CDC73: variants seen among roughly 807,000 people sequenced by gnomAD.
CDC73 encodes cell division cycle 73.
Under a neutral mutation model 83.7 loss-of-function variants are expected in CDC73, and 21 were observed. That is an observed-to-expected ratio of 0.25 (90% CI 0.18 to 0.36). The LOEUF is 0.36. Ranked by LOEUF, CDC73 falls within the 10% of genes least tolerant of loss-of-function variation. CDC73 has a pLI of 1.00. For missense variants in CDC73, 342 were observed against 653.3 expected, an observed-to-expected ratio of 0.52 and a Z score of 5.19; for synonymous variants, 224 against 212.9, an observed-to-expected ratio of 1.05 and a Z score of -0.45.
chr1:193,170,061 T>C (rs1282406846), intron 10 of CDC73, among the ~76,000 whole-genome samples: 1 of 152,208 alleles, frequency 6.6e-6, no homozygotes. Context: ...TGTTTTTTTT[T>C]CCTGTGTTAG....
intron 10 of CDC73, among the ~76,000 whole-genome samples, chr1:193,164,378 A>G (rs964828355): frequency 6.6e-6 from 1 of 152,204 alleles, no homozygotes; most frequent in African/African-American, 2.4e-5. Context: ...AGAAAGGCTG[A>G]GAAACTAAGT....
At chr1:193,206,065 G>T (rs765873608) in intron 11 of CDC73, among the ~76,000 whole-genome samples, 3 of 152,158 alleles carry the variant, frequency 2.0e-5, no homozygotes, top group Non-Finnish European at 2.9e-5. Context: ...AAAGAAGTTA[G>T]TATGTAAGGA....
intron 10 of CDC73, among the ~76,000 whole-genome samples, chr1:193,189,275 T>G (rs1364666411): frequency 6.6e-6 from 1 of 152,138 alleles, no homozygotes; most frequent in East Asian, 1.9e-4. Context: ...TAAATTTAAG[T>G]TAAGCTAGTT....
rs148757631 is a variant in CDC73, at chr1:193,211,982, A to T, written c.1031-83A>T. The T allele has an allele frequency of 1.7e-3, 1,898 of 1,088,146 alleles. 26 individuals are homozygous for T. In the Admixed American group the frequency reaches 0.023, roughly 13 times the overall value. 67.4% of individuals were successfully genotyped at this position (1,088,146 alleles called of 1,614,324 possible). A position where few individuals can be genotyped will look rare whatever the true frequency, so the allele number is the denominator to read the frequency against. On this transcript the variant is annotated intron_variant, in intron 11 of 16. Coordinates refer to ENST00000367435, the MANE Select transcript of CDC73 (RefSeq NM_024529.5). ...AGTCATATGGGAATACACATAATTT[A>T]AAAAATATCCCTTATTTGTAAGTTT...
chr1:193,151,893 A>G (rs1676119511), intron 9 of CDC73, among the ~76,000 whole-genome samples: 1 of 152,168 alleles, frequency 6.6e-6, no homozygotes, highest in Non-Finnish European at 1.5e-5. Flanking sequence ...CTGCAGTGCC[A>G]CTGTACTCCA....
At chr1:193,207,374 C>T (rs1236529586) in intron 11 of CDC73, among the ~76,000 whole-genome samples, 3 of 152,064 alleles carry the variant, frequency 2.0e-5, no homozygotes, top group Non-Finnish European at 2.9e-5. Flanking sequence ...AAACAGGGTT[C>T]GAGAGCAGAG....
chr1:193,228,489 A>G (rs766165202), intron 13 of CDC73, among the ~76,000 whole-genome samples: 4 of 152,232 alleles, frequency 2.6e-5, no homozygotes, highest in Non-Finnish European at 5.9e-5. Context: ...GTAAAGATAG[A>G]TAGATGAATG....
Position 193,252,765 on chromosome 1 carries a change from T to G in CDC73, c.*2053T>G, listed in dbSNP as rs1678065111. The G allele has an allele frequency of 4.3e-6, 1 of 231,938 alleles. No individual in the cohort carries two copies. The highest frequency in any genetic ancestry group is 6.1e-5 in the East Asian group (1 of 16,370). 14.4% of individuals were successfully genotyped at this position (231,938 alleles called of 1,614,324 possible). A position where few individuals can be genotyped will look rare whatever the true frequency, so the allele number is the denominator to read the frequency against. On this transcript the variant is annotated 3_prime_UTR_variant, in exon 17 of 17. Transcript: ENST00000367435. The stretch of plus-strand genomic sequence containing the variant: ...CTGTTTATTCTAAAAAACAAAAATT[T>G]TCAGCCACTCCCATTTATTCTCCCA...
At chr1:193,125,630 G>A (rs1675555371) in intron 2 of CDC73, among the ~76,000 whole-genome samples, 1 of 151,554 alleles carries the variant, frequency 6.6e-6, no homozygotes, top group Non-Finnish European at 1.5e-5. Flanking sequence ...AAGCTGGAGT[G>A]CAGTGGTGTG....
intron 2 of CDC73, among the ~76,000 whole-genome samples, chr1:193,128,908 C>T (rs533460162): frequency 6.6e-6 from 1 of 151,912 alleles, no homozygotes; most frequent in Non-Finnish European, 1.5e-5. Flanking sequence ...ATTTTTCTTG[C>T]ACTGTTTGTT....
At chr1:193,180,448 G>A (rs759133477) in intron 10 of CDC73, 2 of 1,613,996 alleles carry the variant, frequency 1.2e-6, no homozygotes, top group South Asian at 2.2e-5. Flanking sequence ...TTTACAGCTC[G>A]AATAAGAGAC....
intron 15 of CDC73, among the ~76,000 whole-genome samples, chr1:193,247,477 G>A (rs1055007605): frequency 2.0e-5 from 3 of 151,926 alleles, no homozygotes; most frequent in Admixed American, 1.3e-4. Flanking sequence ...ACCTCCAAGT[G>A]TTTAAATGAA....
chr1:193,197,192 A>G (rs775935104), intron 10 of CDC73, among the ~76,000 whole-genome samples: 1 of 152,160 alleles, frequency 6.6e-6, no homozygotes, highest in Non-Finnish European at 1.5e-5. Flanking sequence ...TGAGATGACC[A>G]TGAGGGTTTT....
chr1:193,153,123 A>T (rs1402671197), intron 10 of CDC73, among the ~76,000 whole-genome samples: 1 of 152,190 alleles, frequency 6.6e-6, no homozygotes, highest in East Asian at 1.9e-4. Flanking sequence ...TATAGTGATT[A>T]TAATGCTTAC....
chr1:193,250,778 A>C lies in CDC73; in HGVS notation c.*66A>C, dbSNP rs1315243053. On this transcript the variant is annotated 3_prime_UTR_variant, in exon 17 of 17. Coordinates refer to ENST00000367435, the MANE Select transcript of CDC73 (RefSeq NM_024529.5). ...TTTATGAATTTATCAAGAACTTAAA[A>C]ATGAAGAAGGTCACAGATTGATCTT... 4.5e-6 allele frequency: 6 copies of C among 1,342,630 alleles called. No individual in the cohort carries two copies. The highest frequency in any genetic ancestry group is 6.4e-6 in the Non-Finnish European group (6 of 934,812). 83.2% of individuals were successfully genotyped at this position (1,342,630 alleles called of 1,614,324 possible).
intron 10 of CDC73, among the ~76,000 whole-genome samples, chr1:193,193,900 C>A (rs926126651): frequency 6.6e-6 from 1 of 151,282 alleles, no homozygotes; most frequent in Non-Finnish European, 1.5e-5. Context: ...CTTCCTCAGT[C>A]AGTTTATTGA....
chr1:193,237,105 G>T (rs562830666), intron 15 of CDC73: 1 of 151,644 alleles, frequency 6.6e-6, no homozygotes, highest in East Asian at 2.0e-4. Context: ...CACCACGCCC[G>T]GCTAATTTTT....
intron 15 of CDC73, among the ~76,000 whole-genome samples, chr1:193,242,462 C>G (rs1323401043): frequency 6.6e-6 from 1 of 152,188 alleles, no homozygotes; most frequent in Non-Finnish European, 1.5e-5. Flanking sequence ...GGTGTTTCTG[C>G]TCACTTTATC....
chr1:193,245,092 G>T (rs1677930259), intron 15 of CDC73, among the ~76,000 whole-genome samples: 1 of 152,138 alleles, frequency 6.6e-6, no homozygotes. Flanking sequence ...TAGTTATCAG[G>T]TTATCATAAT....
Sources: allele counts gnomAD v4.1 joint callset (sites outside exome capture counted in the v4.1 genomes callset), GRCh38; gene constraint gnomAD v4.1.1; transcripts MANE v1.5; gene names NCBI Gene and HGNC (gene_info 2026-07-23, HGNC 2026-07-21).